The following TMEM97 variants were observed in gnomAD, a reference collection of about 807,000 sequenced individuals.
TMEM97 encodes the protein sigma intracellular receptor 2.
In TMEM97, 13 loss-of-function variants were observed where a neutral mutation model predicts 18.3. The observed-to-expected ratio is 0.71, with a 90% confidence interval of 0.46 to 1.13. TMEM97 has a LOEUF of 1.13. TMEM97 is among the 50% of genes most tolerant of loss of function. The probability of loss-of-function intolerance (pLI) is 0.00; values close to 1 mark genes in which losing one functional copy is unlikely to be tolerated. For missense variants in TMEM97, 205 were observed against 210.5 expected, an observed-to-expected ratio of 0.97 and a Z score of 0.16; for synonymous variants, 76 against 85.3, an observed-to-expected ratio of 0.89 and a Z score of 0.60.
chr17:28,319,481 T>C, intron 1 of TMEM97, 116 bp downstream of exon 1: 2 of 1,266,652 alleles, frequency 1.6e-6, no homozygotes, highest in Non-Finnish European at 2.1e-6. Context: ...TCTCGGGTCC[T>C]GCCCATGCCT....
In TMEM97 at chr17:28,319,245, G is replaced by A. The variant is rs896773722; in HGVS notation, c.6G>A (p.Gly2=). The A allele has an allele frequency of 1.8e-5, 29 of 1,607,602 alleles. No homozygotes were observed. In the African/African-American group the frequency reaches 3.4e-4, roughly 19 times the overall value. The change falls in exon 1 of 3, where the codon GGG becomes GGA. Residue 2 remains glycine (G), a synonymous_variant. Transcript: ENST00000226230. The part of the protein sequence containing the change: M[G]APATRRCVEW... ...CCAGGCCCAACCGACAGACTATGGG[G>A]GCTCCGGCAACCAGGCGCTGCGTGG... is the stretch of plus-strand genomic sequence containing the variant.
Position 28,328,584 on chromosome 17 carries a change from G to A in TMEM97, c.*1791G>A, listed in dbSNP as rs1555575897. 1 of 963,626 alleles carries A rather than the reference G, an allele frequency of 1.0e-6. No individual in the cohort carries two copies. Among genetic ancestry groups the A allele is most frequent in the Non-Finnish European group, 1.6e-6 (1 of 622,146 alleles). The allele number at this position is 963,626 out of a possible 1,614,324, so 59.7% of individuals were successfully genotyped here. Reference sequence around the variant, plus strand: ...TTGGTCAAGCCGCTGGAATGCTACAGAGGTTTTTTTGGTTTTGAGAGGCTT... The same window carrying A: ...TTGGTCAAGCCGCTGGAATGCTACAAAGGTTTTTTTGGTTTTGAGAGGCTT... On this transcript the variant is annotated 3_prime_UTR_variant, in exon 3 of 3. Coordinates refer to ENST00000226230, the MANE Select transcript of TMEM97 (RefSeq NM_014573.3).
Position 28,319,238 on chromosome 17 carries a change from C to A in TMEM97, c.-2C>A. ...AGCGGGTCCAGGCCCAACCGACAGACTATGGGGGCTCCGGCAACCAGGCGC... is the reference window on the plus strand; with the variant it reads ...AGCGGGTCCAGGCCCAACCGACAGAATATGGGGGCTCCGGCAACCAGGCGC... On this transcript the variant is annotated 5_prime_UTR_variant, in exon 1 of 3. Transcript: ENST00000226230. 1 of 1,606,490 alleles carries A rather than the reference C, an allele frequency of 6.2e-7. No individual in the cohort carries two copies. Among genetic ancestry groups the A allele is most frequent in the Non-Finnish European group, 8.5e-7 (1 of 1,176,098 alleles).
chr17:28,326,708 C>T lies in TMEM97; in HGVS notation c.446C>T (p.Pro149Leu), dbSNP rs782016517. The T allele has an allele frequency of 3.1e-6, 5 of 1,613,996 alleles. No homozygotes were observed. In the African/African-American group the frequency reaches 5.3e-5, roughly 17 times the overall value. The change falls in exon 3 of 3, where the codon CCC becomes CTC. Residue 149 changes from proline to leucine, a missense_variant. Pro to Leu is a moderately conservative substitution (Grantham distance 98). Coordinates refer to ENST00000226230, the MANE Select transcript of TMEM97 (RefSeq NM_014573.3). ...TTAACCCTTGTGTCTGTCTATGCCC[C>T]CTACTTACTCATCCCATTCATACTT... The part of the protein sequence containing the change: ...ERLTLVSVYA[P>L]YLLIPFILLI...
chr17:28,325,383 C>A, intron 1 of TMEM97, 120 bp from the exon 2 acceptor site: 1 of 1,314,278 alleles, frequency 7.6e-7, no homozygotes, highest in Non-Finnish European at 1.0e-6. Context: ...CCATCTGCTG[C>A]CGGGGTAGTG....
intron 1 of TMEM97, among the ~76,000 whole-genome samples, chr17:28,320,038 T>G (rs561826433): frequency 6.6e-6 from 1 of 152,364 alleles, no homozygotes; most frequent in Non-Finnish European, 1.5e-5. Context: ...ATGCTTTGTT[T>G]TTTTCTTCAA....
rs1906043699 is a variant in TMEM97, at chr17:28,319,375, G to T, written c.126+10G>T. 7.6e-6 allele frequency: 12 copies of T among 1,570,598 alleles called. No individual in the cohort carries two copies. Among genetic ancestry groups the T allele is most frequent in the Non-Finnish European group, 9.5e-6 (11 of 1,161,614 alleles). On this transcript the variant is annotated intron_variant, in intron 1 of 2. Transcript: ENST00000226230. ...GCTCTACCCAGTCGAGGTGAGGGGC[G>T]CCCCTCTTATCCCGGCCCGCTGAGG...
chr17:28,325,083 A>T (rs1380244609), intron 1 of TMEM97, among the ~76,000 whole-genome samples: 2 of 151,452 alleles, frequency 1.3e-5, no homozygotes, highest in African/African-American at 4.9e-5. Context: ...GATGGTTTTC[A>T]TGTGTATTTG....
In TMEM97 at chr17:28,326,569, T is replaced by C. The variant is rs1906348023; in HGVS notation, c.307T>C (p.Tyr103His). 3.7e-6 allele frequency: 6 copies of C among 1,614,172 alleles called. No homozygotes were observed. The Admixed American group carries it at 1.0e-4, about 27-fold the overall frequency. Residue 103 changes from tyrosine to histidine, a missense_variant, in exon 3 of 3, where the codon TAC becomes CAC. By Grantham distance (83) the Tyr-to-His change is moderately conservative. Coordinates refer to ENST00000226230, the MANE Select transcript of TMEM97 (RefSeq NM_014573.3). ...GTGGATTCGAACTCCTGCAATCATC[T>C]ACTCTGTTCACACCATGACAACCTT... ...CKWIRTPAII[Y>H]SVHTMTTLIP...
intron 2 of TMEM97, among the ~76,000 whole-genome samples, chr17:28,326,061 A>G (rs1257702812): frequency 1.3e-5 from 2 of 152,186 alleles, no homozygotes; most frequent in Non-Finnish European, 2.9e-5. Flanking sequence ...AATTATTCTT[A>G]GTGTTCTCAT....
In TMEM97 at chr17:28,319,311, C is replaced by T. The variant is rs1374026734; in HGVS notation, c.72C>T (p.Ile24=). The change falls in exon 1 of 3, where the codon ATC becomes ATT. Residue 24 remains isoleucine, a synonymous_variant. Transcript: ENST00000226230. The part of the protein sequence containing the change: ...LGLYFLSHIP[I]TLFMDLQAVL... ...TCTACTTCCTCAGCCACATCCCCAT[C>T]ACCCTGTTCATGGACCTGCAGGCGG... 1 of 1,611,444 alleles carries T rather than the reference C, an allele frequency of 6.2e-7. No homozygotes were observed. The highest frequency in any genetic ancestry group is 1.1e-5 in the South Asian group (1 of 90,952).
At chr17:28,319,604 T>C (rs1906064678) in intron 1 of TMEM97, 2 of 420,968 alleles carry the variant, frequency 4.8e-6, no homozygotes, top group Non-Finnish European at 8.2e-6. Context: ...AAGTCACTTC[T>C]TCCCTGGGTT....
At position 28,319,212 on chromosome 17, in the gene TMEM97, C is replaced by A; in HGVS notation, c.-28C>A. ...GCGGATTTGGCCCCTCTTCTCACAT[C>A]AGCGGGTCCAGGCCCAACCGACAGA... On this transcript the variant is annotated 5_prime_UTR_variant, in exon 1 of 3. Coordinates refer to ENST00000226230, the MANE Select transcript of TMEM97 (RefSeq NM_014573.3). 1 of 1,571,294 alleles carries A rather than the reference C, an allele frequency of 6.4e-7. No homozygotes were observed. The highest frequency in any genetic ancestry group is 8.6e-7 in the Non-Finnish European group (1 of 1,158,884).
chr17:28,319,216 G>A lies in TMEM97; in HGVS notation c.-24G>A, dbSNP rs1244024923. On this transcript the variant is annotated 5_prime_UTR_variant, in exon 1 of 3. Transcript: ENST00000226230. ...ATTTGGCCCCTCTTCTCACATCAGC[G>A]GGTCCAGGCCCAACCGACAGACTAT... The A allele has an allele frequency of 6.3e-7, 1 of 1,575,762 alleles. No homozygotes were observed. The highest frequency in any genetic ancestry group is 8.6e-7 in the Non-Finnish European group (1 of 1,161,468).
intron 1 of TMEM97, among the ~76,000 whole-genome samples, chr17:28,320,061 A>T (rs1906083916): frequency 6.6e-6 from 1 of 152,018 alleles, no homozygotes; most frequent in African/African-American, 2.4e-5. Flanking sequence ...CTATAGTTTT[A>T]GTTTCCCGGT....
intron 1 of TMEM97, among the ~76,000 whole-genome samples, chr17:28,322,834 G>T (rs371167935): frequency 6.6e-6 from 1 of 152,148 alleles, no homozygotes; most frequent in African/African-American, 2.4e-5. Flanking sequence ...ATAGAGTCAG[G>T]TATAAGTGGA....
intron 1 of TMEM97, among the ~76,000 whole-genome samples, chr17:28,325,236 A>G (rs1906285825): frequency 6.6e-6 from 1 of 152,216 alleles, no homozygotes; most frequent in Non-Finnish European, 1.5e-5. Context: ...TCTTGGAATT[A>G]TGAACAGATT....
Position 28,326,984 on chromosome 17 carries a change from A to T in TMEM97, c.*191A>T, listed in dbSNP as rs1422084833. On this transcript the variant is annotated 3_prime_UTR_variant, in exon 3 of 3. Transcript: ENST00000226230. Reference sequence around the variant, plus strand: ...CTTCCATTTTTTTTTTTTTTTTAAGACAGTCTCACTCTGTTGCCCAGGCTG... The same window carrying T: ...CTTCCATTTTTTTTTTTTTTTTAAGTCAGTCTCACTCTGTTGCCCAGGCTG... The T allele has an allele frequency of 7.7e-6, 5 of 651,166 alleles. No individual in the cohort carries two copies. Among genetic ancestry groups the T allele is most frequent in the Non-Finnish European group, 1.3e-5 (5 of 395,890 alleles). 40.3% of individuals were successfully genotyped at this position (651,166 alleles called of 1,614,324 possible).
At position 28,326,959 on chromosome 17, in the gene TMEM97, C is replaced by A; in HGVS notation, c.*166C>A. 4 of 833,912 alleles carry A rather than the reference C, an allele frequency of 4.8e-6. No individual in the cohort carries two copies. Among genetic ancestry groups the A allele is most frequent in the Non-Finnish European group, 7.2e-6 (4 of 552,406 alleles). 51.7% of individuals were successfully genotyped at this position (833,912 alleles called of 1,614,324 possible). On this transcript the variant is annotated 3_prime_UTR_variant, in exon 3 of 3. Coordinates refer to ENST00000226230, the MANE Select transcript of TMEM97 (RefSeq NM_014573.3). ...AGGAACCATGTCAAACCCTCACCTT[C>A]TTCCATTTTTTTTTTTTTTTTAAGA...
Sources: gnomAD v4.1 joint callset for allele counts (sites outside exome capture counted in the v4.1 genomes callset) on GRCh38, gnomAD v4.1.1 for gene constraint, MANE v1.5 for transcripts, NCBI Gene and HGNC (gene_info 2026-07-23, HGNC 2026-07-21) for gene names.